The following SH3RF3 variants were observed in gnomAD, a reference collection of about 807,000 sequenced individuals.
The protein encoded by SH3RF3 is SH3 domain containing ring finger 3.
In SH3RF3, 29 loss-of-function variants were observed where a neutral mutation model predicts 66.3. That is an observed-to-expected ratio of 0.44 (90% CI 0.33 to 0.60). The LOEUF (loss-of-function observed/expected upper bound fraction) is 0.60, where lower values mean the gene tolerates loss of function less well. Among genes scored for constraint, SH3RF3 ranks in the 20% least tolerant of loss-of-function variants. The pLI is 0.04. For synonymous variants in SH3RF3, 583 were observed against 532.0 expected (o/e 1.10, Z -1.32); for missense variants, 1,194 against 1,190.9 (o/e 1.00, Z -0.04).
chr2:109,223,279 G>C (rs1679296359), intron 1 of SH3RF3, among the ~76,000 whole-genome samples: 2 of 152,216 alleles, frequency 1.3e-5, no homozygotes, highest in South Asian at 4.1e-4. Context: ...AGCCCTCAGA[G>C]GCTGCGTGAG....
At chr2:109,410,268 A>G (rs989180452) in intron 4 of SH3RF3, among the ~76,000 whole-genome samples, 7 of 152,220 alleles carry the variant, frequency 4.6e-5, no homozygotes, top group Admixed American at 3.9e-4. Context: ...TGACAGCCCA[A>G]TCTTTACTGA....
At chr2:109,213,162 C>A (rs1185208190) in intron 1 of SH3RF3, among the ~76,000 whole-genome samples, 1 of 152,208 alleles carries the variant, frequency 6.6e-6, no homozygotes, top group Non-Finnish European at 1.5e-5. Flanking sequence ...TGGGTTTAAA[C>A]CACATGGGCG....
At chr2:109,417,413 C>T (rs548661254) in intron 4 of SH3RF3, among the ~76,000 whole-genome samples, 41 of 152,198 alleles carry the variant, frequency 2.7e-4, no homozygotes, top group African/African-American at 8.7e-4. Context: ...GCAGGTGTCC[C>T]GGGCAGACAG....
At chr2:109,295,150 C>T (rs1044264855) in intron 1 of SH3RF3, among the ~76,000 whole-genome samples, 6 of 152,248 alleles carry the variant, frequency 3.9e-5, no homozygotes, top group African/African-American at 1.2e-4. Context: ...GGAGCACCCA[C>T]GCCTGGCCTG....
At chr2:109,288,665 A>G (rs530301385) in intron 1 of SH3RF3, among the ~76,000 whole-genome samples, 3 of 152,216 alleles carry the variant, frequency 2.0e-5, no homozygotes, top group Non-Finnish European at 2.9e-5. Context: ...TTTTCACTCA[A>G]TTACGTTTTT....
chr2:109,164,150 A>T (rs964484249), intron 1 of SH3RF3, among the ~76,000 whole-genome samples: 1 of 152,150 alleles, frequency 6.6e-6, no homozygotes. Context: ...TTGGTCCAGG[A>T]AAACTCTGAT....
At chr2:109,377,031 A>C in intron 3 of SH3RF3, among the ~76,000 whole-genome samples, 1 of 152,260 alleles carries the variant, frequency 6.6e-6, no homozygotes, top group East Asian at 1.9e-4. Context: ...AGCCGCTCAG[A>C]GTCCGGGCTA....
intron 1 of SH3RF3, among the ~76,000 whole-genome samples, chr2:109,162,389 C>T (rs1677509245): frequency 6.6e-6 from 1 of 152,060 alleles, no homozygotes; most frequent in Non-Finnish European, 1.5e-5. Context: ...GGCTCCTCAA[C>T]CTTTTTTAAA....
chr2:109,419,043 G>T (rs555784830), intron 4 of SH3RF3, among the ~76,000 whole-genome samples: 3 of 152,098 alleles, frequency 2.0e-5, no homozygotes, highest in Non-Finnish European at 4.4e-5. Context: ...TGGGGTCTTG[G>T]GGGGAGGGGG....
At chr2:109,429,729 C>T (rs1309184945) in intron 5 of SH3RF3, among the ~76,000 whole-genome samples, 1 of 152,218 alleles carries the variant, frequency 6.6e-6, no homozygotes, top group Non-Finnish European at 1.5e-5. Flanking sequence ...GAAGCTCCAT[C>T]CCCTCGAGCT....
rs139609000 is a variant in SH3RF3 at position 109,297,243 on chromosome 2, T to C, written c.574-50431T>C. Among the ~76,000 whole-genome samples, 710 of 152,190 alleles carry C rather than the reference T, an allele frequency of 4.7e-3. 6 individuals are homozygous for C. Among genetic ancestry groups the C allele is most frequent in the African/African-American group, 0.016 (680 of 41,488 alleles). ...ATTCAGCTGTTTTTCATTGACACCA[T>C]CATCATCATCGTCATCACTGTTAAT... On this transcript the variant is annotated intron_variant, in intron 1 of 9. Transcript: ENST00000309415.
intron 9 of SH3RF3, among the ~76,000 whole-genome samples, chr2:109,494,860 C>T (rs886478295): frequency 2.0e-5 from 3 of 152,254 alleles, no homozygotes; most frequent in Non-Finnish European, 4.4e-5. Context: ...AGAGAGCGGG[C>T]GCTGCTCTCC....
intron 8 of SH3RF3, among the ~76,000 whole-genome samples, chr2:109,459,341 A>T (rs1678152749): frequency 6.6e-6 from 1 of 152,114 alleles, no homozygotes; most frequent in Non-Finnish European, 1.5e-5. Flanking sequence ...ATTTATAATT[A>T]CTTTGTCTAC....
intron 3 of SH3RF3, among the ~76,000 whole-genome samples, chr2:109,391,608 G>A (rs1675999617): frequency 2.0e-5 from 3 of 152,230 alleles, no homozygotes; most frequent in African/African-American, 7.2e-5. Flanking sequence ...GCCGGGCAGG[G>A]AGCATCAGTC....
intron 9 of SH3RF3, among the ~76,000 whole-genome samples, chr2:109,492,515 C>T (rs1193106049): frequency 1.3e-5 from 2 of 152,176 alleles, no homozygotes; most frequent in Non-Finnish European, 2.9e-5. Flanking sequence ...ATTCCGGCTA[C>T]GCATGCCCAG....
intron 7 of SH3RF3, among the ~76,000 whole-genome samples, chr2:109,440,971 G>A (rs1461343590): frequency 6.6e-6 from 1 of 151,864 alleles, no homozygotes; most frequent in Non-Finnish European, 1.5e-5. Context: ...GAAATCACCA[G>A]GCATTGAGTA....
At chr2:109,337,419 C>T (rs185139727) in intron 1 of SH3RF3, among the ~76,000 whole-genome samples, 7 of 152,338 alleles carry the variant, frequency 4.6e-5, no homozygotes, top group South Asian at 2.1e-4. Flanking sequence ...GTGTCCTTAG[C>T]GCCTTGCACT....
intron 1 of SH3RF3, among the ~76,000 whole-genome samples, chr2:109,131,407 C>T (rs550860740): frequency 2.5e-4 from 38 of 152,250 alleles, no homozygotes; most frequent in African/African-American, 7.2e-4. Context: ...CTTTTCCTTC[C>T]TGGCCTTGCT....
At chr2:109,349,729 C>T (rs113462546) in intron 2 of SH3RF3, among the ~76,000 whole-genome samples, 3 of 152,226 alleles carry the variant, frequency 2.0e-5, no homozygotes, top group South Asian at 2.1e-4. Context: ...CCACTGTGAA[C>T]GGGCTGTCGC....
Sources: gnomAD v4.1 joint callset for allele counts (sites outside exome capture counted in the v4.1 genomes callset) on GRCh38, gnomAD v4.1.1 for gene constraint, MANE v1.5 for transcripts, NCBI Gene and HGNC (gene_info 2026-07-23, HGNC 2026-07-21) for gene names.